Variants in ROBO1 observed in about 807,000 individuals in gnomAD.
The protein encoded by ROBO1 is roundabout homolog 1.
In ROBO1, 149 loss-of-function variants were observed where a neutral mutation model predicts 195.9. That is an observed-to-expected ratio of 0.76 (90% CI 0.67 to 0.87). The LOEUF is 0.87. Ranked by LOEUF, ROBO1 falls within the 40% of genes least tolerant of loss-of-function variation. The pLI, the probability that ROBO1 is intolerant of heterozygous loss-of-function variation, is 0.00. For synonymous variants in ROBO1, 816 were observed against 733.2 expected, an observed-to-expected ratio of 1.11 and a Z score of -1.82; for missense variants, 1,933 against 2,068.3, an observed-to-expected ratio of 0.93 and a Z score of 1.27.
intron 3 of ROBO1, among the ~76,000 whole-genome samples, chr3:78,995,766 CAA>C (rs796612944): frequency 2.0e-4 from 16 of 80,506 alleles, no homozygotes; most frequent in Non-Finnish European, 2.0e-4. Flanking sequence ...ACTCTGTCTC[CAA>C]AAAAAAAAAA....
chr3:79,428,332 A>T lies in ROBO1; in HGVS notation c.88+161492T>A, dbSNP rs150749922. 2.1e-3 allele frequency among the ~76,000 whole-genome samples: 325 copies of T among 151,834 alleles called. 1 individual carries two copies. Among genetic ancestry groups the T allele is most frequent in the African/African-American group, 7.5e-3 (308 of 41,228 alleles). Reference sequence around the variant, plus strand: ...ATGTATAAAAATAAATAAAATGGAGATTCTAGTGTTAGCATCTACCTTATG... The same window carrying T: ...ATGTATAAAAATAAATAAAATGGAGTTTCTAGTGTTAGCATCTACCTTATG... On this transcript the variant is annotated intron_variant, in intron 2 of 30. Coordinates refer to ENST00000464233, the MANE Select transcript of ROBO1 (RefSeq NM_002941.4).
At chr3:79,181,623 T>G (rs1234801463) in intron 2 of ROBO1, among the ~76,000 whole-genome samples, 1 of 152,204 alleles carries the variant, frequency 6.6e-6, no homozygotes, top group Non-Finnish European at 1.5e-5. Flanking sequence ...TAGTGAGGAA[T>G]ATGATAATTG....
intron 2 of ROBO1, among the ~76,000 whole-genome samples, chr3:79,159,222 A>C (rs1162964298): frequency 2.0e-5 from 3 of 151,976 alleles, no homozygotes; most frequent in African/African-American, 7.2e-5. Context: ...GAATAGGGAA[A>C]ATGTTCTCAG....
intron 21 of ROBO1, 115 bp from the exon 22 acceptor site, chr3:78,640,013 A>C (rs1481678741): frequency 1.2e-6 from 1 of 856,738 alleles, no homozygotes; most frequent in Non-Finnish European, 1.7e-6. Flanking sequence ...CTGATGAACT[A>C]TGCTGAATGA....
chr3:78,788,837 AATG>A lies in ROBO1; in HGVS notation c.500-41940_500-41938del, dbSNP rs570639894. ...TCAAAATTAATCAATAAATTAGAAA[AATG>A]ATATCTCTAATGTAGTGTAAATTCA... On this transcript the variant is annotated intron_variant, in intron 4 of 30. Coordinates refer to ENST00000464233, the MANE Select transcript of ROBO1 (RefSeq NM_002941.4). Among the ~76,000 whole-genome samples, 131 of 152,330 alleles carry A rather than the reference AATG, an allele frequency of 8.6e-4. 1 individual carries two copies. In the South Asian group the frequency reaches 0.017, roughly 20 times the overall value.
At chr3:79,001,457 C>G (rs1165088192) in intron 3 of ROBO1, among the ~76,000 whole-genome samples, 2 of 152,008 alleles carry the variant, frequency 1.3e-5, no homozygotes, top group Non-Finnish European at 2.9e-5. Flanking sequence ...AGGGACACAG[C>G]CAAACCGTAT....
At chr3:79,193,351 A>G (rs936861750) in intron 2 of ROBO1, among the ~76,000 whole-genome samples, 1 of 151,602 alleles carries the variant, frequency 6.6e-6, no homozygotes, top group African/African-American at 2.4e-5. Flanking sequence ...CAATTTACAT[A>G]TATTATCTTA....
intron 2 of ROBO1, among the ~76,000 whole-genome samples, chr3:79,170,965 C>G (rs1372242037): frequency 2.0e-5 from 3 of 151,792 alleles, no homozygotes; most frequent in Non-Finnish European, 4.4e-5. Flanking sequence ...TAGCCATGTG[C>G]TGGATTCAGA....
At chr3:79,260,248 T>C (rs1341394283) in intron 2 of ROBO1, among the ~76,000 whole-genome samples, 1 of 152,010 alleles carries the variant, frequency 6.6e-6, no homozygotes, top group Non-Finnish European at 1.5e-5. Flanking sequence ...AGTTTCTTTA[T>C]CATAAATATC....
At chr3:79,237,001 T>C (rs1477413149) in intron 2 of ROBO1, among the ~76,000 whole-genome samples, 6 of 152,026 alleles carry the variant, frequency 3.9e-5, no homozygotes, top group Non-Finnish European at 8.8e-5. Flanking sequence ...AAAAATATAA[T>C]GAATTTGAGC....
intron 3 of ROBO1, among the ~76,000 whole-genome samples, chr3:79,016,335 T>G (rs1380862633): frequency 6.6e-5 from 10 of 152,142 alleles, no homozygotes; most frequent in Non-Finnish European, 1.3e-4. Flanking sequence ...AAAGAAGCTT[T>G]TGTCCTGAAA....
chr3:78,675,053 T>C (rs891546589), intron 10 of ROBO1, among the ~76,000 whole-genome samples: 8 of 152,052 alleles, frequency 5.3e-5, no homozygotes, highest in African/African-American at 1.9e-4. Flanking sequence ...ATACGTATCA[T>C]ATACAGAGGT....
At chr3:79,225,007 C>T (rs901349657) in intron 2 of ROBO1, among the ~76,000 whole-genome samples, 3 of 151,978 alleles carry the variant, frequency 2.0e-5, no homozygotes, top group African/African-American at 4.8e-5. Context: ...CCTCAGAAAG[C>T]GTGTCATTTG....
intron 2 of ROBO1, among the ~76,000 whole-genome samples, chr3:79,126,606 T>A (rs981451760): frequency 7.9e-5 from 12 of 152,186 alleles, no homozygotes; most frequent in Admixed American, 3.9e-4. Context: ...TGTAGAGCCA[T>A]AGGTCATTCA....
chr3:78,720,081 C>T (rs913002263), intron 5 of ROBO1, among the ~76,000 whole-genome samples: 1 of 152,112 alleles, frequency 6.6e-6, no homozygotes. Context: ...ACCTCTTCTC[C>T]CACATACCTC....
At chr3:79,017,606 G>C (rs1196194999) in intron 3 of ROBO1, among the ~76,000 whole-genome samples, 1 of 152,054 alleles carries the variant, frequency 6.6e-6, no homozygotes, top group Non-Finnish European at 1.5e-5. Context: ...CCTAGGGAGT[G>C]TATGAAAACT....
intron 2 of ROBO1, among the ~76,000 whole-genome samples, chr3:79,127,467 G>C (rs2080237875): frequency 1.3e-5 from 2 of 152,144 alleles, no homozygotes; most frequent in South Asian, 4.1e-4. Flanking sequence ...TTATTTTTTA[G>C]TAACACAATG....
chr3:79,148,494 G>C (rs1367342630), intron 2 of ROBO1, among the ~76,000 whole-genome samples: 1 of 151,668 alleles, frequency 6.6e-6, no homozygotes, highest in Non-Finnish European at 1.5e-5. Context: ...CTGGGAACAG[G>C]AGCAAGGTCT....
intron 1 of ROBO1, among the ~76,000 whole-genome samples, chr3:79,599,788 A>ATTAATT (rs1206826497): frequency 6.6e-6 from 1 of 152,032 alleles, no homozygotes. Flanking sequence ...TAGTTTTCTG[A>ATTAATT]CTTGCTTAAA....
Sources: gnomAD v4.1 joint callset for allele counts (sites outside exome capture counted in the v4.1 genomes callset) on GRCh38, gnomAD v4.1.1 for gene constraint, MANE v1.5 for transcripts, NCBI Gene and HGNC (gene_info 2026-07-23, HGNC 2026-07-21) for gene names.